RALY: variants seen among roughly 807,000 people sequenced by gnomAD.
RALY encodes RALY heterogeneous nuclear ribonucleoprotein, also known as RNA-binding protein Raly.
In RALY, 15 loss-of-function variants were observed where a neutral mutation model predicts 30.7. The observed-to-expected ratio is 0.49, with a 90% confidence interval of 0.33 to 0.75. The LOEUF is 0.75. Ranked by LOEUF, RALY falls within the 30% of genes least tolerant of loss-of-function variation. The pLI, the probability that RALY is intolerant of heterozygous loss-of-function variation, is 0.02. For synonymous variants in RALY, 177 were observed against 170.8 expected (o/e 1.04, Z -0.28); for missense variants, 339 against 414.3 (o/e 0.82, Z 1.58).
chr20:34,027,234 A>G (rs2032078169), intron 1 of RALY, among the ~76,000 whole-genome samples: 1 of 152,182 alleles, frequency 6.6e-6, no homozygotes, highest in Admixed American at 6.5e-5. Flanking sequence ...CAGGCTCTGG[A>G]GTAAAGTAAA....
intron 1 of RALY, among the ~76,000 whole-genome samples, chr20:34,019,665 C>T (rs2031741307): frequency 6.6e-6 from 1 of 152,200 alleles, no homozygotes; most frequent in South Asian, 2.1e-4. Flanking sequence ...ACAGTCCCTG[C>T]TCTTGAGAAA....
intron 2 of RALY, chr20:34,033,369 T>C (rs896191358): frequency 6.6e-6 from 1 of 152,232 alleles, no homozygotes; most frequent in African/African-American, 2.4e-5. Context: ...TATGTTGTTA[T>C]AAAGGAGTAC....
intron 2 of RALY, 60 bp from the exon 3 acceptor site, chr20:34,072,006 C>A: frequency 6.4e-7 from 1 of 1,567,972 alleles, no homozygotes; most frequent in Non-Finnish European, 8.7e-7. Context: ...GGATATGGGC[C>A]GTGGGCAGTC....
At chr20:34,025,538 A>G (rs1319418812) in intron 1 of RALY, among the ~76,000 whole-genome samples, 1 of 152,084 alleles carries the variant, frequency 6.6e-6, no homozygotes, top group African/African-American at 2.4e-5. Context: ...TCCTGACCTC[A>G]GGTGATCCGC....
intron 2 of RALY, among the ~76,000 whole-genome samples, chr20:34,047,379 G>A (rs2032918121): frequency 6.6e-6 from 1 of 152,162 alleles, no homozygotes; most frequent in Non-Finnish European, 1.5e-5. Flanking sequence ...AGGGGGCAGT[G>A]TTGATGGTGA....
chr20:34,053,748 T>C (rs923377488), intron 2 of RALY, among the ~76,000 whole-genome samples: 10 of 152,174 alleles, frequency 6.6e-5, no homozygotes, highest in African/African-American at 2.2e-4. Flanking sequence ...GATTAACTTA[T>C]GGTCTCCTAA....
chr20:34,023,403 C>T (rs1338604726), intron 1 of RALY, among the ~76,000 whole-genome samples: 1 of 152,132 alleles, frequency 6.6e-6, no homozygotes, highest in Non-Finnish European at 1.5e-5. Flanking sequence ...GTGGGAGAGC[C>T]ATGGCTTAAA....
chr20:33,995,455 A>G (rs1568643207), intron 1 of RALY, among the ~76,000 whole-genome samples: 1 of 152,202 alleles, frequency 6.6e-6, no homozygotes, highest in Non-Finnish European at 1.5e-5. Flanking sequence ...TCAAACAAAT[A>G]TTACTCCTAT....
At chr20:34,033,670 A>G (rs1287107504) in intron 2 of RALY, among the ~76,000 whole-genome samples, 1 of 152,100 alleles carries the variant, frequency 6.6e-6, no homozygotes, top group African/African-American at 2.4e-5. Context: ...TCTGCCCCCA[A>G]CGATCCAAAC....
chr20:34,042,257 C>T (rs1415023941), intron 2 of RALY, among the ~76,000 whole-genome samples: 6 of 152,206 alleles, frequency 3.9e-5, no homozygotes, highest in Admixed American at 3.9e-4. Flanking sequence ...CTGCCTTAAA[C>T]TTCCAGGGTT....
Position 34,081,115 on chromosome 20 carries a change from T to C in RALY, c.*1210T>C, listed in dbSNP as rs1357486050. On this transcript the variant is annotated 3_prime_UTR_variant, in exon 10 of 10. Coordinates refer to ENST00000246194, the MANE Select transcript of RALY (RefSeq NM_016732.3). ...CATTCCCCACAATGAATGGATCCAT[T>C]TTCCCCATGTTCAAGTTCCCAAGAG... 6.6e-6 allele frequency: 1 copy of C among 152,210 alleles called. No homozygotes were observed. Among genetic ancestry groups the C allele is most frequent in the Non-Finnish European group, 1.5e-5 (1 of 68,084 alleles). The allele number at this position is 152,210 out of a possible 1,614,324, so 9.4% of individuals were successfully genotyped here.
chr20:34,062,184 A>G (rs1207650345), intron 2 of RALY, among the ~76,000 whole-genome samples: 1 of 152,144 alleles, frequency 6.6e-6, no homozygotes, highest in African/African-American at 2.4e-5. Context: ...CTAGCTAGAT[A>G]GGCCTGGCAT....
intron 1 of RALY, among the ~76,000 whole-genome samples, chr20:34,007,196 T>C (rs1267345751): frequency 6.6e-6 from 1 of 152,156 alleles, no homozygotes; most frequent in Non-Finnish European, 1.5e-5. Flanking sequence ...TTTTGTTCCT[T>C]CATCACTAAA....
intron 1 of RALY, 168 bp downstream of exon 1, chr20:33,994,299 C>T (rs1568642151): frequency 6.6e-6 from 1 of 152,516 alleles, no homozygotes; most frequent in Non-Finnish European, 1.5e-5. Context: ...CTCCGCCGCT[C>T]CTTTCTCCCA....
rs58117454 is a variant in RALY, at chr20:34,048,853, C to CAA, written c.-10+17266_-10+17267dup. 8.5e-5 allele frequency among the ~76,000 whole-genome samples: 9 copies of CAA among 105,622 alleles called. 1 individual carries two copies. Among genetic ancestry groups the CAA allele is most frequent in the African/African-American group, 1.4e-4 (4 of 27,598 alleles). The allele number at this position is 105,622 out of a possible 152,430, so 69.3% of individuals were successfully genotyped here. On this transcript the variant is annotated intron_variant, in intron 2 of 9. Coordinates refer to ENST00000246194, the MANE Select transcript of RALY (RefSeq NM_016732.3). ...CCTGGGAGACAGCGAGACTCCGTCT[C>CAA]AAAAAAAAAAAAAAAAAATTTTCTC...
chr20:34,065,751 T>A (rs2033552212), intron 2 of RALY, among the ~76,000 whole-genome samples: 1 of 152,190 alleles, frequency 6.6e-6, no homozygotes, highest in African/African-American at 2.4e-5. Flanking sequence ...ACCACCCGGA[T>A]GTCCCCAGGG....
At chr20:34,055,501 CAG>C (rs2033214713) in intron 2 of RALY, among the ~76,000 whole-genome samples, 1 of 152,152 alleles carries the variant, frequency 6.6e-6, no homozygotes, top group Non-Finnish European at 1.5e-5. Flanking sequence ...TTCAATTCAG[CAG>C]ATACTCCCTA....
chr20:34,083,614 A>T lies in RALY; in HGVS notation c.*3709A>T, dbSNP rs1291234684. 1 of 152,204 alleles carries T rather than the reference A, an allele frequency of 6.6e-6. No individual in the cohort carries two copies. The highest frequency in any genetic ancestry group is 6.5e-5 in the Admixed American group (1 of 15,282). 9.4% of individuals were successfully genotyped at this position (152,204 alleles called of 1,614,324 possible). A position where few individuals can be genotyped will look rare whatever the true frequency, so the allele number is the denominator to read the frequency against. ...CAGCTGCCTGGAGTGCCTTTTGAGGATCTGCAGCAATTTTCAGACTGTTTG... is the reference window on the plus strand; with the variant it reads ...CAGCTGCCTGGAGTGCCTTTTGAGGTTCTGCAGCAATTTTCAGACTGTTTG... On this transcript the variant is annotated 3_prime_UTR_variant, in exon 10 of 10. Transcript: ENST00000246194.
At chr20:34,009,978 C>T (rs960582294) in intron 1 of RALY, among the ~76,000 whole-genome samples, 4 of 152,150 alleles carry the variant, frequency 2.6e-5, no homozygotes, top group East Asian at 1.9e-4. Context: ...GAATCCCCTG[C>T]GACTAAGTGA....
Sources: gnomAD v4.1 joint callset for allele counts (sites outside exome capture counted in the v4.1 genomes callset) on GRCh38, gnomAD v4.1.1 for gene constraint, MANE v1.5 for transcripts, NCBI Gene and HGNC (gene_info 2026-07-23, HGNC 2026-07-21) for gene names.